Variants in GPC5 observed in about 807,000 individuals in gnomAD.
GPC5 encodes the protein glypican 5.
A neutral mutation model predicts 53.9 loss-of-function variants in GPC5; 47 were observed. The ratio of observed to expected loss-of-function variants is 0.87; its 90% CI spans 0.69 to 1.11. GPC5 has a LOEUF of 1.11. GPC5 is among the 50% of genes most tolerant of loss of function. The probability of loss-of-function intolerance (pLI) is 0.00; values close to 1 mark genes in which losing one functional copy is unlikely to be tolerated. For synonymous variants in GPC5, 286 were observed against 263.3 expected (o/e 1.09, Z -0.84); for missense variants, 748 against 713.1 (o/e 1.05, Z -0.56).
intron 2 of GPC5, among the ~76,000 whole-genome samples, chr13:91,561,309 C>CA (rs1356417534): frequency 1.3e-5 from 2 of 152,232 alleles, no homozygotes; most frequent in Non-Finnish European, 1.5e-5. Context: ...GGGCCAAATG[C>CA]AAGCCCCTGG....
At chr13:92,000,251 G>A (rs2040542575) in intron 6 of GPC5, among the ~76,000 whole-genome samples, 2 of 139,514 alleles carry the variant, frequency 1.4e-5, no homozygotes, top group Non-Finnish European at 3.2e-5. Flanking sequence ...GCACAAACAT[G>A]GTGTGCATAT....
intron 7 of GPC5, among the ~76,000 whole-genome samples, chr13:92,820,567 C>G (rs1877639009): frequency 6.6e-6 from 1 of 152,218 alleles, no homozygotes; most frequent in Non-Finnish European, 1.5e-5. Flanking sequence ...TGACAAAACT[C>G]ACAACGCCTT....
intron 3 of GPC5, among the ~76,000 whole-genome samples, chr13:91,700,966 T>C (rs2035978886): frequency 6.6e-6 from 1 of 152,178 alleles, no homozygotes; most frequent in Non-Finnish European, 1.5e-5. Flanking sequence ...GGTGCATCAC[T>C]GATGCTTTCA....
At chr13:91,947,698 G>A (rs1376487657) in intron 6 of GPC5, among the ~76,000 whole-genome samples, 1 of 128,166 alleles carries the variant, frequency 7.8e-6, no homozygotes, top group East Asian at 2.8e-4. Flanking sequence ...AAGAATTAAA[G>A]TTAAAATTAT....
chr13:91,832,300 CTTTTTT>C (rs55698516), intron 5 of GPC5, among the ~76,000 whole-genome samples: 2 of 122,986 alleles, frequency 1.6e-5, no homozygotes, highest in Non-Finnish European at 3.4e-5. Context: ...GCTTTTTTCT[CTTTTTT>C]TTTTTTTTTT....
intron 7 of GPC5, among the ~76,000 whole-genome samples, chr13:92,184,705 G>C (rs1003944925): frequency 1.3e-5 from 2 of 152,168 alleles, no homozygotes; most frequent in African/African-American, 4.8e-5. Context: ...GCCTATCTAA[G>C]TGTGTGTAAT....
At chr13:92,189,620 G>C (rs546407411) in intron 7 of GPC5, among the ~76,000 whole-genome samples, 2 of 152,044 alleles carry the variant, frequency 1.3e-5, no homozygotes, top group South Asian at 4.2e-4. Flanking sequence ...AGTTTCAAGA[G>C]ACTGAACGAG....
chr13:92,421,905 C>T (rs1028739547), intron 7 of GPC5, among the ~76,000 whole-genome samples: 5 of 151,892 alleles, frequency 3.3e-5, no homozygotes, highest in African/African-American at 1.2e-4. Flanking sequence ...ACGATAACAG[C>T]ACTGTCTCTC....
At chr13:91,781,541 A>G (rs2138721927) in intron 5 of GPC5, among the ~76,000 whole-genome samples, 1 of 152,296 alleles carries the variant, frequency 6.6e-6, no homozygotes, top group Non-Finnish European at 1.5e-5. Context: ...AAACTTAAGC[A>G]TTTTTACCAC....
At chr13:92,296,329 A>G (rs1322122495) in intron 7 of GPC5, among the ~76,000 whole-genome samples, 1 of 152,066 alleles carries the variant, frequency 6.6e-6, no homozygotes. Flanking sequence ...TTAAACTCCC[A>G]AGAGTCTTCA....
chr13:92,138,185 G>A (rs2041800103), intron 6 of GPC5, among the ~76,000 whole-genome samples: 1 of 152,116 alleles, frequency 6.6e-6, no homozygotes, highest in African/African-American at 2.4e-5. Context: ...TATGTGGCAG[G>A]AGTGTGTCTA....
At chr13:91,674,600 TATATATGCGTATGTGTATATATAC>T (rs1410313074) in intron 2 of GPC5, among the ~76,000 whole-genome samples, 3 of 147,474 alleles carry the variant, frequency 2.0e-5, no homozygotes, top group African/African-American at 7.5e-5. Flanking sequence ...TATATACGCA[TATATATGCGTATGTGTATATATAC>T]GCATATATAT....
At chr13:92,260,766 G>A (rs536650667) in intron 7 of GPC5, among the ~76,000 whole-genome samples, 2 of 152,288 alleles carry the variant, frequency 1.3e-5, no homozygotes, top group African/African-American at 4.8e-5. Flanking sequence ...TTGGTAGAAA[G>A]ACTGATAAAA....
intron 5 of GPC5, among the ~76,000 whole-genome samples, chr13:91,762,525 A>G (rs767495115): frequency 3.3e-5 from 5 of 150,858 alleles, no homozygotes; most frequent in Admixed American, 1.3e-4. Flanking sequence ...TGCTTTTCCT[A>G]TGTTTCTTGT....
chr13:92,154,436 C>T (rs1052161285), intron 7 of GPC5, among the ~76,000 whole-genome samples: 3 of 152,114 alleles, frequency 2.0e-5, no homozygotes, highest in African/African-American at 4.8e-5. Flanking sequence ...TGGTTGTGAC[C>T]TCAGGAAGGG....
chr13:92,524,371 A>G (rs955947295), intron 7 of GPC5, among the ~76,000 whole-genome samples: 2 of 152,130 alleles, frequency 1.3e-5, no homozygotes, highest in Admixed American at 1.3e-4. Context: ...ATGCTATGTA[A>G]ACAGTTGTTA....
chr13:92,560,786 T>C (rs9301821), intron 7 of GPC5, among the ~76,000 whole-genome samples: 19,576 of 151,828 alleles, frequency 0.13, 1,752 homozygotes, highest in Non-Finnish European at 0.2. Context: ...GTCCGTTTTA[T>C]AGTGAACCTT....
At chr13:92,397,325 T>G (rs1044496109) in intron 7 of GPC5, among the ~76,000 whole-genome samples, 3 of 152,188 alleles carry the variant, frequency 2.0e-5, no homozygotes, top group Non-Finnish European at 2.9e-5. Context: ...TCATGAGATT[T>G]GATGGTTTCA....
intron 7 of GPC5, among the ~76,000 whole-genome samples, chr13:92,414,676 C>A (rs1002045340): frequency 2.6e-5 from 4 of 152,114 alleles, no homozygotes; most frequent in South Asian, 2.1e-4. Context: ...TTATAACAAA[C>A]TACCTTAGAC....
Sources: gnomAD v4.1 joint callset for allele counts (sites outside exome capture counted in the v4.1 genomes callset) on GRCh38, gnomAD v4.1.1 for gene constraint, MANE v1.5 for transcripts, NCBI Gene and HGNC (gene_info 2026-07-23, HGNC 2026-07-21) for gene names.